PRH1: variants seen among roughly 807,000 people sequenced by gnomAD.
PRH1 encodes the protein salivary acidic proline-rich phosphoprotein 1/2.
In PRH1, 7 loss-of-function variants were observed where a neutral mutation model predicts 7.9. The ratio of observed to expected loss-of-function variants is 0.89; its 90% confidence interval spans 0.50 to 1.67. The LOEUF (loss-of-function observed/expected upper bound fraction) is 1.67. Ranked by LOEUF, PRH1 falls within the 40% of genes most tolerant of loss-of-function variation. The pLI is 0.00. For synonymous variants in PRH1, 45 were observed against 80.8 expected (o/e 0.56, Z 2.38); for missense variants, 109 against 223.6 (o/e 0.49, Z 3.27).
chr12:11,144,572 C>A (rs1946808697), intron 1 of PRH1, among the ~76,000 whole-genome samples: 1 of 152,226 alleles, frequency 6.6e-6, no homozygotes, highest in South Asian at 2.1e-4. Context: ...GTGACGTCTG[C>A]ATGCCCGATT....
At chr12:10,936,926 C>T (rs10492104) in intron 2 of PRH1, among the ~76,000 whole-genome samples, 1 of 151,956 alleles carries the variant, frequency 6.6e-6, no homozygotes, top group African/African-American at 2.4e-5. Context: ...TCAGTAAGGA[C>T]GTATGTTTAG....
At chr12:10,938,797 A>C in intron 2 of PRH1, 1 of 1,613,434 alleles carries the variant, frequency 6.2e-7, no homozygotes. Flanking sequence ...AGAAGACCGA[A>C]GTCACAAGAA....
At chr12:10,928,949 A>C (rs539299962) in intron 2 of PRH1, among the ~76,000 whole-genome samples, 69 of 152,330 alleles carry the variant, frequency 4.5e-4, no homozygotes, top group Non-Finnish European at 9.0e-4. Flanking sequence ...AGATTGAAAA[A>C]CAAATGATGT....
intron 1 of PRH1, among the ~76,000 whole-genome samples, chr12:11,024,125 A>C (rs1267316672): frequency 2.6e-5 from 4 of 152,388 alleles, no homozygotes; most frequent in African/African-American, 9.6e-5. Context: ...TTCTACTTAA[A>C]ATCTCTTAGA....
chr12:11,057,005 C>CA (rs1943387047), intron 1 of PRH1, among the ~76,000 whole-genome samples: 1 of 146,066 alleles, frequency 6.8e-6, no homozygotes, highest in South Asian at 2.2e-4. Context: ...AGAACTTTCA[C>CA]TTTTTTTTTT....
chr12:11,168,292 GAAA>G (rs1565725924), intron 1 of PRH1, among the ~76,000 whole-genome samples: 27 of 33,500 alleles, frequency 8.1e-4, no homozygotes, highest in African/African-American at 1.4e-3. Context: ...AAGAAAGAAA[GAAA>G]GAAAGAAGGA....
intron 1 of PRH1, among the ~76,000 whole-genome samples, chr12:11,054,221 A>G (rs1049405467): frequency 4.1e-5 from 6 of 144,656 alleles, no homozygotes; most frequent in Admixed American, 1.4e-4. Context: ...GATTTGCAAG[A>G]TATTTTTTCT....
chr12:11,171,532 T>C, upstream of PRH1: 1 of 1,232,258 alleles, frequency 8.1e-7, no homozygotes, highest in Non-Finnish European at 1.0e-6. Flanking sequence ...GGCTCGGTGA[T>C]CCTCAACATC....
chr12:10,957,128 A>G (rs1196246607), intron 2 of PRH1, among the ~76,000 whole-genome samples: 2 of 152,152 alleles, frequency 1.3e-5, no homozygotes, highest in South Asian at 4.1e-4. Context: ...AAACAAAAAG[A>G]ACAAAGCAGG....
At chr12:11,097,586 C>T (rs1945102794) in intron 1 of PRH1, among the ~76,000 whole-genome samples, 1 of 114,686 alleles carries the variant, frequency 8.7e-6, no homozygotes, top group African/African-American at 2.9e-5. Context: ...CACTTAATTT[C>T]TAAATCTAAA....
At chr12:11,009,689 G>A (rs1362075239) in intron 1 of PRH1, among the ~76,000 whole-genome samples, 1 of 151,818 alleles carries the variant, frequency 6.6e-6, no homozygotes, top group East Asian at 1.9e-4. Context: ...TAAAGAAACC[G>A]GATATTAATT....
chr12:11,096,428 A>C (rs1945070178), intron 1 of PRH1, among the ~76,000 whole-genome samples: 1 of 115,900 alleles, frequency 8.6e-6, no homozygotes, highest in East Asian at 2.1e-4. Context: ...ATCGTTTTCT[A>C]ACGGAGAAAC....
At position 10,884,148 on chromosome 12, in the gene PRH1, T is replaced by G; in HGVS notation, c.64+6A>C. 3 of 1,614,146 alleles carry G rather than the reference T, an allele frequency of 1.9e-6. No homozygotes were observed. The highest frequency in any genetic ancestry group is 2.5e-6 in the Non-Finnish European group (3 of 1,180,004). ...AGTCACAATATCTTCCCCCAATTCA[T>G]CTTACCTTCATTTAAATCCTGAGCT... On this transcript the variant is annotated splice_donor_region_variant and intron_variant, in intron 1 of 3. Transcript: ENST00000543626.
chr12:10,968,013 G>A (rs927449946), intron 2 of PRH1, among the ~76,000 whole-genome samples: 7 of 152,266 alleles, frequency 4.6e-5, no homozygotes, highest in East Asian at 1.9e-4. Context: ...CCCAAGAGGC[G>A]GAGGTTGCAA....
intron 2 of PRH1, among the ~76,000 whole-genome samples, chr12:10,928,097 T>G (rs999228059): frequency 6.6e-6 from 1 of 152,046 alleles, no homozygotes; most frequent in African/African-American, 2.4e-5. Context: ...AAAAAAACTA[T>G]ATAGGAAGAA....
chr12:11,145,059 C>T (rs1946822984), intron 1 of PRH1, among the ~76,000 whole-genome samples: 1 of 152,202 alleles, frequency 6.6e-6, no homozygotes, highest in African/African-American at 2.4e-5. Context: ...ATACAAGCAT[C>T]CACATGCTGG....
chr12:11,004,162 TAGTAG>T lies in PRH1; in HGVS notation c.-125-30446_-125-30442del, dbSNP rs202211628. ...CACTGCTTCATATGCTCTCCAAAATTAGTAGAGTAATTTTTGCACTTTCATATTTA... is the reference window on the plus strand; with the variant it reads ...CACTGCTTCATATGCTCTCCAAAATTAGTAATTTTTGCACTTTCATATTTA... On this transcript the variant is annotated intron_variant, in intron 1 of 3. Transcript: ENST00000539853. Among the ~76,000 whole-genome samples the T allele has an allele frequency of 5.7e-3, 871 of 152,142 alleles. 8 individuals are homozygous for T. Among genetic ancestry groups the T allele is most frequent in the African/African-American group, 0.018 (745 of 41,518 alleles).
At chr12:10,946,758 T>C (rs930332816) in intron 2 of PRH1, among the ~76,000 whole-genome samples, 2 of 152,142 alleles carry the variant, frequency 1.3e-5, no homozygotes, top group African/African-American at 2.4e-5. Flanking sequence ...TTACAAACTT[T>C]TTGATGTGGG....
chr12:11,045,714 T>G (rs1942878004), intron 1 of PRH1, among the ~76,000 whole-genome samples: 1 of 152,098 alleles, frequency 6.6e-6, no homozygotes, highest in Non-Finnish European at 1.5e-5. Flanking sequence ...TATGAAAAAC[T>G]CCACATATTG....
Sources: gnomAD v4.1 joint callset for allele counts (sites outside exome capture counted in the v4.1 genomes callset) on GRCh38, gnomAD v4.1.1 for gene constraint, MANE v1.5 for transcripts, NCBI Gene and HGNC (gene_info 2026-07-23, HGNC 2026-07-21) for gene names.